ZNF496: variants seen among roughly 807,000 people sequenced by gnomAD.
ZNF496 encodes the protein zinc finger protein 496.
ZNF496 carries 11 observed loss-of-function variants against 58.9 expected under a neutral mutation model. The observed-to-expected ratio is 0.19, with a 90% CI of 0.12 to 0.31. The LOEUF (loss-of-function observed/expected upper bound fraction) is 0.31, where lower values mean the gene tolerates loss of function less well. Ranked by LOEUF, ZNF496 falls within the 10% of genes least tolerant of loss-of-function variation. The pLI is 1.00. For missense variants in ZNF496, 660 were observed against 783.0 expected (o/e 0.84, Z 1.88); for synonymous variants, 338 against 318.2 (o/e 1.06, Z -0.66).
intron 5 of ZNF496, among the ~76,000 whole-genome samples, chr1:247,327,067 TTTTTG>T (rs1313003186): frequency 1.3e-5 from 2 of 152,132 alleles, no homozygotes; most frequent in Admixed American, 6.6e-5. Context: ...AGCTCCTTTT[TTTTTG>T]TTTTGTTTTG....
chr1:247,310,000 GGT>G lies in ZNF496; in HGVS notation c.785-196_785-195del, dbSNP rs756360768. 134 of 1,391,762 alleles carry G rather than the reference GGT, an allele frequency of 9.6e-5. No homozygotes were observed. The highest frequency in any genetic ancestry group is 1.2e-4 in the Non-Finnish European group (132 of 1,060,598). The allele number at this position is 1,391,762 out of a possible 1,614,324, so 86.2% of individuals were successfully genotyped here. On this transcript the variant is annotated intron_variant, in intron 7 of 9. Transcript: ENST00000682384. The surrounding 1 kb of genome is among the most constrained non-coding windows in gnomAD (Gnocchi z 4.3). ...ACGCAGGGAGAGCTATGGGCTTGGGGGTCTCTCTGAGGCTTTCGGGTGTAAAG... is the reference window on the plus strand; with the variant it reads ...ACGCAGGGAGAGCTATGGGCTTGGGGCTCTCTGAGGCTTTCGGGTGTAAAG...
At chr1:247,326,382 G>C (rs1660129086) in intron 5 of ZNF496, among the ~76,000 whole-genome samples, 1 of 152,004 alleles carries the variant, frequency 6.6e-6, no homozygotes, top group Non-Finnish European at 1.5e-5. Flanking sequence ...TACCTACTTT[G>C]CCTATTGATT....
chr1:247,322,368 T>G (rs1408889973), intron 6 of ZNF496, among the ~76,000 whole-genome samples: 1 of 152,156 alleles, frequency 6.6e-6, no homozygotes, highest in Non-Finnish European at 1.5e-5. Flanking sequence ...TGAGACATGG[T>G]AATAAGAGTG....
At chr1:247,325,485 A>T (rs778261866) in intron 5 of ZNF496, among the ~76,000 whole-genome samples, 21 of 152,222 alleles carry the variant, frequency 1.4e-4, no homozygotes, top group Non-Finnish European at 2.9e-4. Context: ...CTAATTAACA[A>T]ATCTATACCT....
rs533621359 is a variant in ZNF496 at position 247,322,935 on chromosome 1, G to A, written c.651+219C>T. 7.9e-6 allele frequency: 6 copies of A among 761,448 alleles called. No homozygotes were observed. In the East Asian group the frequency reaches 1.8e-4, roughly 23 times the overall value. 47.2% of individuals were successfully genotyped at this position (761,448 alleles called of 1,614,324 possible). On this transcript the variant is annotated intron_variant, in intron 6 of 9. Coordinates refer to ENST00000682384, the MANE Select transcript of ZNF496 (RefSeq NM_032752.3). ...CGTCTGCACAAAGCTTCCTGAAGGT[G>A]GCCTGATGACAGTAGACCCAGTGGG... is the stretch of plus-strand genomic sequence containing the variant.
chr1:247,302,902 T>C (rs902047756), intron 9 of ZNF496, among the ~76,000 whole-genome samples: 5 of 152,332 alleles, frequency 3.3e-5, no homozygotes, highest in Non-Finnish European at 7.3e-5. Flanking sequence ...AGTTGACTTC[T>C]GTTAATGGAC....
rs756732762 is a variant in ZNF496, at chr1:247,329,374, C to A, written c.205G>T (p.Gly69Cys). 1 of 1,613,574 alleles carries A rather than the reference C, an allele frequency of 6.2e-7. No individual in the cohort carries two copies. The highest frequency in any genetic ancestry group is 1.7e-5 in the Admixed American group (1 of 60,020). ...ALQRLWDLCG[G>C]WLRPERHTKE... ...GTGTGCCTCTCAGGCCGCAGCCAGC[C>A]CCCGCACAGGTCCCAGAGGCGCTGC... The change falls in exon 4 of 10, where the codon GGC becomes TGC. Residue 69 changes from glycine to cysteine, a missense_variant. Coordinates refer to ENST00000682384, the MANE Select transcript of ZNF496 (RefSeq NM_032752.3). The surrounding 1 kb of genome is among the most constrained non-coding windows in gnomAD (Gnocchi z 5.5).
chr1:247,304,623 C>T (rs1007259290), intron 9 of ZNF496, among the ~76,000 whole-genome samples: 7 of 152,246 alleles, frequency 4.6e-5, no homozygotes, highest in South Asian at 2.1e-4. Context: ...CCGCCTGCCT[C>T]GGCCTCCCAA....
In ZNF496 at chr1:247,329,734, G is replaced by A. The variant is rs1218105137; in HGVS notation, c.-37-119C>T. ...GACCAGCCCTTTGGAGAAGCCCTGG[G>A]AAAGGTAGGGAGTGTTGGTGTGGCT... is the stretch of plus-strand genomic sequence containing the variant. On this transcript the variant is annotated intron_variant, in intron 3 of 9. Coordinates refer to ENST00000682384, the MANE Select transcript of ZNF496 (RefSeq NM_032752.3). This position sits in a 1 kb window ranked among gnomAD's most constrained non-coding sequence, Gnocchi z 5.5. 1 of 906,958 alleles carries A rather than the reference G, an allele frequency of 1.1e-6. No individual in the cohort carries two copies. The highest frequency in any genetic ancestry group is 1.6e-6 in the Non-Finnish European group (1 of 617,968). The allele number at this position is 906,958 out of a possible 1,614,324, so 56.2% of individuals were successfully genotyped here. A position where few individuals can be genotyped will look rare whatever the true frequency, so the allele number is the denominator to read the frequency against.
Position 247,300,819 on chromosome 1 carries a change from C to T in ZNF496, c.1464G>A (p.Pro488=), listed in dbSNP as rs766093339. The T allele has an allele frequency of 3.7e-6, 6 of 1,606,482 alleles. No homozygotes were observed. The highest frequency in any genetic ancestry group is 2.7e-5 in the African/African-American group (2 of 74,864). Residue 488 remains proline (P), a synonymous_variant, in exon 10 of 10, where the codon CCG becomes CCA. Coordinates refer to ENST00000682384, the MANE Select transcript of ZNF496 (RefSeq NM_032752.3). This position sits in a 1 kb window ranked among gnomAD's most constrained non-coding sequence, Gnocchi z 5.7. ...LLSHRRIHLQ[P]DRLQPVEKRE... ...TCTTCTCCACCGGCTGGAGTCTGTC[C>T]GGCTGCAGGTGTATCCGCCGGTGGG...
At chr1:247,316,133 G>GGGGTGTGT (rs1659758433) in intron 6 of ZNF496, among the ~76,000 whole-genome samples, 1 of 84,698 alleles carries the variant, frequency 1.2e-5, no homozygotes, top group African/African-American at 3.7e-5. Flanking sequence ...TCCTGGGAGA[G>GGGGTGTGT]GGGTGTGTGT....
intron 5 of ZNF496, among the ~76,000 whole-genome samples, chr1:247,324,188 A>G (rs1324995971): frequency 6.6e-6 from 1 of 152,234 alleles, no homozygotes; most frequent in Non-Finnish European, 1.5e-5. Context: ...ATGAACCTGA[A>G]AGACATGCTA....
intron 6 of ZNF496, among the ~76,000 whole-genome samples, chr1:247,318,271 T>C (rs1018217770): frequency 6.6e-6 from 1 of 152,188 alleles, no homozygotes; most frequent in Admixed American, 6.5e-5. Context: ...CTAAAACCTG[T>C]ATCCTTAGCA....
At chr1:247,321,528 C>T (rs1659963521) in intron 6 of ZNF496, among the ~76,000 whole-genome samples, 1 of 152,070 alleles carries the variant, frequency 6.6e-6, no homozygotes. Context: ...GTGTATATTA[C>T]CACAATTAAA....
intron 9 of ZNF496, chr1:247,307,379 T>G (rs1659447655): frequency 3.0e-6 from 3 of 985,304 alleles, no homozygotes; most frequent in South Asian, 4.7e-5. Context: ...AGTTGAAAAC[T>G]CCTGTGTATA....
intron 6 of ZNF496, among the ~76,000 whole-genome samples, chr1:247,322,073 G>A (rs747355381): frequency 7.2e-5 from 11 of 152,194 alleles, no homozygotes; most frequent in Non-Finnish European, 1.5e-4. Context: ...CTTGAGGTCA[G>A]GAGTTTGAGA....
chr1:247,310,665 G>T, intron 6 of ZNF496: 2 of 580,428 alleles, frequency 3.4e-6, no homozygotes, highest in Non-Finnish European at 6.1e-6. Flanking sequence ...TTGGTCAAAA[G>T]ACAGGTGTCT....
At chr1:247,322,108 C>A (rs1421310221) in intron 6 of ZNF496, among the ~76,000 whole-genome samples, 1 of 152,078 alleles carries the variant, frequency 6.6e-6, no homozygotes, top group Admixed American at 6.6e-5. Flanking sequence ...ATGGCGAGAC[C>A]CTGTCTCTAC....
intron 6 of ZNF496, chr1:247,313,888 A>T (rs74154607): frequency 6.6e-6 from 1 of 152,350 alleles, no homozygotes; most frequent in African/African-American, 2.4e-5. Flanking sequence ...ACACCTGTGC[A>T]TGATGGAATC....
Sources: gnomAD v4.1 joint callset for allele counts (sites outside exome capture counted in the v4.1 genomes callset) on GRCh38, gnomAD v4.1.1 for gene constraint, Gnocchi (gnomAD v3.1) non-coding constraint, MANE v1.5 for transcripts, NCBI Gene and HGNC (gene_info 2026-07-23, HGNC 2026-07-21) for gene names.